PCDH11X: variants seen among roughly 807,000 people sequenced by gnomAD.
The protein encoded by PCDH11X is protocadherin 11 X-linked, also known as protocadherin-11 X-linked.
A neutral mutation model predicts 53.3 loss-of-function variants in PCDH11X; 18 were observed. That is an observed-to-expected ratio of 0.34 (90% CI 0.23 to 0.50). The LOEUF is 0.50. Ranked by LOEUF, PCDH11X falls within the 20% of genes least tolerant of loss-of-function variation. PCDH11X has a pLI of 0.98. For missense variants in PCDH11X, 570 were observed against 1,032.4 expected, an observed-to-expected ratio of 0.55 and a Z score of 6.14; for synonymous variants, 279 against 393.3, an observed-to-expected ratio of 0.71 and a Z score of 3.44.
intron 8 of PCDH11X, among the ~76,000 whole-genome samples, chrX:92,363,554 G>C (rs868218461): frequency 1.0e-5 from 1 of 97,514 alleles, no homozygotes; most frequent in Non-Finnish European, 2.1e-5. Flanking sequence ...TTTTTTTTTT[G>C]AATAATCTTT....
At chrX:91,790,692 T>C (rs1176737767) in intron 1 of PCDH11X, among the ~76,000 whole-genome samples, 1 of 111,107 alleles carries the variant, frequency 9.0e-6, no homozygotes, top group Non-Finnish European at 1.9e-5. Flanking sequence ...TAGACTTTTA[T>C]CTTAGAATAC....
At chrX:92,604,245 CATAA>C (rs1926548154) in intron 10 of PCDH11X, among the ~76,000 whole-genome samples, 1 of 109,298 alleles carries the variant, frequency 9.1e-6, no homozygotes, top group African/African-American at 3.3e-5. Context: ...ATTAAAAATA[CATAA>C]ATTAATAATT....
intron 9 of PCDH11X, among the ~76,000 whole-genome samples, chrX:92,425,996 C>G (rs2072100482): frequency 1.4e-5 from 1 of 73,590 alleles, no homozygotes; most frequent in African/African-American, 5.1e-5. Flanking sequence ...TTATTTGTGA[C>G]CTTGATAAGA....
chrX:92,343,532 T>C (rs1225610194), intron 8 of PCDH11X, among the ~76,000 whole-genome samples: 1 of 110,173 alleles, frequency 9.1e-6, no homozygotes, highest in African/African-American at 3.3e-5. Flanking sequence ...ACACATAAAA[T>C]GTTTTATATA....
intron 6 of PCDH11X, among the ~76,000 whole-genome samples, chrX:92,131,870 G>A (rs921254055): frequency 1.8e-5 from 2 of 108,288 alleles, no homozygotes; most frequent in African/African-American, 6.7e-5. Context: ...GAATTCCTTT[G>A]TTATTTTGTC....
chrX:92,329,117 A>C (rs1330498361), intron 8 of PCDH11X, among the ~76,000 whole-genome samples: 1 of 111,562 alleles, frequency 9.0e-6, no homozygotes, highest in Non-Finnish European at 1.9e-5. Context: ...GTAGGAATGA[A>C]AGATTTGTTT....
intron 10 of PCDH11X, among the ~76,000 whole-genome samples, chrX:92,502,041 G>A (rs1398027865): frequency 9.0e-6 from 1 of 110,878 alleles, no homozygotes; most frequent in African/African-American, 3.3e-5. Context: ...TAAAATCAAT[G>A]TGCAAAAATC....
At chrX:92,211,778 G>A (rs1164272750) in intron 7 of PCDH11X, among the ~76,000 whole-genome samples, 1 of 111,331 alleles carries the variant, frequency 9.0e-6, no homozygotes, top group Admixed American at 9.6e-5. Context: ...GACAGAATGA[G>A]TCACACACCG....
intron 5 of PCDH11X, among the ~76,000 whole-genome samples, chrX:91,865,993 C>A (rs1166447490): frequency 9.2e-6 from 1 of 108,802 alleles, no homozygotes; most frequent in East Asian, 3.0e-4. Context: ...TGCTCTGCTC[C>A]CCTGTTGCCA....
rs772420274 is a variant in PCDH11X, at chrX:91,950,607, T to TATATATATATAC, written c.3033+71335_3033+71336insTATATATATACA. Among the ~76,000 whole-genome samples the TATATATATATAC allele has an allele frequency of 1.9e-3, 189 of 97,741 alleles. 2 individuals are homozygous for TATATATATATAC. Among genetic ancestry groups the TATATATATATAC allele is most frequent in the African/African-American group, 7.4e-3 (180 of 24,192 alleles). The allele number at this position is 97,741 out of a possible 115,157, so 84.9% of individuals were successfully genotyped here. A position where few individuals can be genotyped will look rare whatever the true frequency, so the allele number is the denominator to read the frequency against. Reference sequence around the variant, plus strand: ...TAAATGTGATATATATATATATATATACACACACACATATATATCACATTT... The same window carrying TATATATATATAC: ...TAAATGTGATATATATATATATATATATATATATATACACACACACACATATATATCACATTT... On this transcript the variant is annotated intron_variant, in intron 6 of 10. Transcript: ENST00000682573.
chrX:92,389,149 A>C (rs1409649550), intron 9 of PCDH11X, among the ~76,000 whole-genome samples: 1 of 101,561 alleles, frequency 9.8e-6, no homozygotes, highest in African/African-American at 3.6e-5. Flanking sequence ...CTCCATTTTC[A>C]ATTTTATACT....
Position 91,870,955 on chromosome X carries a change from G to A in PCDH11X, c.541-5826G>A, listed in dbSNP as rs755561548. On this transcript the variant is annotated intron_variant, in intron 5 of 10. Coordinates refer to ENST00000682573, the MANE Select transcript of PCDH11X (RefSeq NM_032968.5). ...GGTTATCGGCAGATATGTGACTAACGGCTTGGGACATTTTATTGTAATCCG... is the reference window on the plus strand; with the variant it reads ...GGTTATCGGCAGATATGTGACTAACAGCTTGGGACATTTTATTGTAATCCG... Among the ~76,000 whole-genome samples, 456 of 111,079 alleles carry A rather than the reference G, an allele frequency of 4.1e-3. 1 individual carries two copies. Among genetic ancestry groups the A allele is most frequent in the African/African-American group, 0.014 (426 of 30,510 alleles).
chrX:92,280,053 C>G (rs892145407), intron 8 of PCDH11X, among the ~76,000 whole-genome samples: 2 of 112,052 alleles, frequency 1.8e-5, no homozygotes, highest in Non-Finnish European at 3.8e-5. Context: ...GTATTCAGTA[C>G]AGAAACATGC....
At chrX:91,965,365 T>G (rs1299814574) in intron 6 of PCDH11X, among the ~76,000 whole-genome samples, 1 of 110,196 alleles carries the variant, frequency 9.1e-6, no homozygotes, top group African/African-American at 3.4e-5. Flanking sequence ...GTATTATTTT[T>G]GTATGTCAAG....
At chrX:92,325,620 A>G (rs2069312926) in intron 8 of PCDH11X, among the ~76,000 whole-genome samples, 1 of 112,072 alleles carries the variant, frequency 8.9e-6, no homozygotes, top group South Asian at 3.7e-4. Flanking sequence ...TATAGAAGCC[A>G]GATTGTCACT....
At chrX:92,270,165 A>G (rs1221114778) in intron 8 of PCDH11X, among the ~76,000 whole-genome samples, 1 of 104,604 alleles carries the variant, frequency 9.6e-6, no homozygotes, top group African/African-American at 3.6e-5. Context: ...CTGGAGTTCA[A>G]TGGTGCCATC....
At chrX:92,233,164 A>C (rs2067112803) in intron 7 of PCDH11X, among the ~76,000 whole-genome samples, 2 of 110,955 alleles carry the variant, frequency 1.8e-5, no homozygotes, top group African/African-American at 6.6e-5. Flanking sequence ...AATAATTCTT[A>C]TTGTGTATTG....
intron 8 of PCDH11X, among the ~76,000 whole-genome samples, chrX:92,335,278 T>C: frequency 9.0e-6 from 1 of 110,800 alleles, no homozygotes; most frequent in Admixed American, 9.7e-5. Flanking sequence ...TTCATAATTT[T>C]AGACCTCGAG....
At chrX:92,149,017 G>C (rs1460954082) in intron 6 of PCDH11X, among the ~76,000 whole-genome samples, 3 of 111,249 alleles carry the variant, frequency 2.7e-5, no homozygotes, top group Non-Finnish European at 5.7e-5. Context: ...ACAATTAGTA[G>C]TTTTGATGTT....
Sources: allele counts gnomAD v4.1 joint callset (sites outside exome capture counted in the v4.1 genomes callset), GRCh38; gene constraint gnomAD v4.1.1; transcripts MANE v1.5; gene names NCBI Gene and HGNC (gene_info 2026-07-23, HGNC 2026-07-21).